The following ANO2 variants were observed in gnomAD, a reference collection of about 807,000 sequenced individuals.
ANO2 encodes the protein anoctamin-2.
In ANO2, 101 loss-of-function variants were observed where a neutral mutation model predicts 124.2. The observed-to-expected ratio is 0.81, with a 90% confidence interval of 0.69 to 0.96. The LOEUF is 0.96. ANO2 is among the 40% of genes least tolerant of loss of function. ANO2 has a pLI of 0.00. For missense variants in ANO2, 1,293 were observed against 1,274.5 expected (o/e 1.01, Z -0.22); for synonymous variants, 486 against 482.5 (o/e 1.01, Z -0.09).
At chr12:5,794,967 C>T (rs1446613122) in intron 10 of ANO2, among the ~76,000 whole-genome samples, 1 of 152,250 alleles carries the variant, frequency 6.6e-6, no homozygotes, top group Non-Finnish European at 1.5e-5. Context: ...CCAGCCTGGC[C>T]TGCTGAGAAG....
intron 23 of ANO2, among the ~76,000 whole-genome samples, chr12:5,571,417 A>G (rs928631865): frequency 6.6e-6 from 1 of 152,224 alleles, no homozygotes; most frequent in Non-Finnish European, 1.5e-5. Context: ...GACTTGTGCT[A>G]ACTTTTATTG....
At chr12:5,877,127 G>A (rs1393875352) in intron 3 of ANO2, among the ~76,000 whole-genome samples, 1 of 152,142 alleles carries the variant, frequency 6.6e-6, no homozygotes, top group Non-Finnish European at 1.5e-5. Context: ...TTATGGAAGA[G>A]GTTTTGCAGA....
rs117863217 is a variant in ANO2 at position 5,826,334 on chromosome 12, T to C, written c.892+1435A>G. Among the ~76,000 whole-genome samples, 1,308 of 152,140 alleles carry C rather than the reference T, an allele frequency of 8.6e-3. 7 individuals are homozygous for C. The highest frequency in any genetic ancestry group is 0.016 in the Non-Finnish European group (1,064 of 68,020). ...GTGATGGTTAATACTGAGTGTCGACTTGATTGGACTGAAAGATGCAAACTA... is the reference window on the plus strand; with the variant it reads ...GTGATGGTTAATACTGAGTGTCGACCTGATTGGACTGAAAGATGCAAACTA... On this transcript the variant is annotated intron_variant, in intron 7 of 24. Coordinates refer to ENST00000682330, the MANE Select transcript of ANO2 (RefSeq NM_001364791.2).
At position 5,725,446 on chromosome 12, in the gene ANO2, C is replaced by T. The variant is rs536080301; in HGVS notation, c.1545+7074G>A. On this transcript the variant is annotated intron_variant, in intron 14 of 24. Coordinates refer to ENST00000682330, the MANE Select transcript of ANO2 (RefSeq NM_001364791.2). ...CTTATTGCCTGGACTTTCGTGCCAGCGCTTTGCCGGTTGCTTTCAGATAGA... is the reference window on the plus strand; with the variant it reads ...CTTATTGCCTGGACTTTCGTGCCAGTGCTTTGCCGGTTGCTTTCAGATAGA... Among the ~76,000 whole-genome samples the T allele has an allele frequency of 7.9e-5, 12 of 152,308 alleles. No homozygotes were observed. In the South Asian group the frequency reaches 1.7e-3, roughly 21 times the overall value.
chr12:5,899,069 C>A (rs996509103), intron 3 of ANO2, among the ~76,000 whole-genome samples: 1 of 152,100 alleles, frequency 6.6e-6, no homozygotes, highest in Non-Finnish European at 1.5e-5. Flanking sequence ...GGAAGAGACT[C>A]CCCCTGCTGT....
intron 16 of ANO2, among the ~76,000 whole-genome samples, chr12:5,631,644 T>C (rs1281340667): frequency 6.6e-6 from 1 of 152,168 alleles, no homozygotes. Flanking sequence ...GGATGACCAC[T>C]GACAGCCGAG....
chr12:5,585,835 C>CT (rs1314639548), intron 20 of ANO2, among the ~76,000 whole-genome samples: 3 of 152,196 alleles, frequency 2.0e-5, no homozygotes, highest in African/African-American at 7.2e-5. Context: ...TTGCTTTATT[C>CT]TTTCTCCTCT....
chr12:5,661,645 A>T (rs1050905705), intron 14 of ANO2, among the ~76,000 whole-genome samples: 3 of 152,068 alleles, frequency 2.0e-5, no homozygotes, highest in Admixed American at 2.0e-4. Context: ...CTGGGATGGG[A>T]CATGAGGGCG....
rs577102794 is a variant in ANO2 at position 5,636,144 on chromosome 12, A to G, written c.1621-797T>C. On this transcript the variant is annotated intron_variant, in intron 15 of 24. Transcript: ENST00000682330. This position sits in a 1 kb window ranked among gnomAD's most constrained non-coding sequence, Gnocchi z 4.6. ...GTGCTCCAAAAGGAGGGTTATAGCC[A>G]CGTGACCTCTAAGGGTTCCCCTCAT... is the stretch of plus-strand genomic sequence containing the variant. Among the ~76,000 whole-genome samples, 176 of 152,190 alleles carry G rather than the reference A, an allele frequency of 1.2e-3. No individual in the cohort carries two copies. Among genetic ancestry groups the G allele is most frequent in the Non-Finnish European group, 1.8e-3 (122 of 68,032 alleles).
intron 14 of ANO2, among the ~76,000 whole-genome samples, chr12:5,665,857 C>T (rs1330698486): frequency 6.6e-6 from 1 of 152,084 alleles, no homozygotes; most frequent in East Asian, 1.9e-4. Flanking sequence ...CCACAGGGTA[C>T]AGAGCCACCC....
At chr12:5,687,132 G>A (rs138672912) in intron 14 of ANO2, among the ~76,000 whole-genome samples, 1 of 152,318 alleles carries the variant, frequency 6.6e-6, no homozygotes, top group African/African-American at 2.4e-5. Flanking sequence ...GAGAATAGTT[G>A]AGGAACAGTG....
intron 7 of ANO2, among the ~76,000 whole-genome samples, chr12:5,823,896 T>C (rs549283247): frequency 6.6e-6 from 1 of 152,386 alleles, no homozygotes; most frequent in East Asian, 1.9e-4. Context: ...TCTTGACTTC[T>C]GTGCACCTGC....
At chr12:5,833,182 T>C (rs1954209560) in intron 4 of ANO2, among the ~76,000 whole-genome samples, 1 of 152,256 alleles carries the variant, frequency 6.6e-6, no homozygotes, top group African/African-American at 2.4e-5. Flanking sequence ...TAAATGAGTT[T>C]GCTTTCAAAG....
chr12:5,897,431 T>C (rs988098309), intron 3 of ANO2, among the ~76,000 whole-genome samples: 6 of 152,096 alleles, frequency 3.9e-5, no homozygotes, highest in East Asian at 1.9e-4. Flanking sequence ...CAGAGGCAGA[T>C]TGGAGTAGGC....
At chr12:5,942,628 A>AGGGGAAGCTCCACACTGT (rs1040595834) in intron 1 of ANO2, among the ~76,000 whole-genome samples, 3 of 152,132 alleles carry the variant, frequency 2.0e-5, no homozygotes, top group Admixed American at 2.0e-4. Context: ...GCTTCCCCAC[A>AGGGGAAGCTCCACACTGT]GGGGAAGCTC....
intron 3 of ANO2, among the ~76,000 whole-genome samples, chr12:5,854,563 T>A (rs1010814327): frequency 1.3e-5 from 2 of 152,148 alleles, no homozygotes; most frequent in Non-Finnish European, 2.9e-5. Context: ...TCCATTCACA[T>A]GTTTTCATTG....
intron 3 of ANO2, among the ~76,000 whole-genome samples, chr12:5,896,537 T>C (rs1448435011): frequency 5.3e-5 from 8 of 152,184 alleles, no homozygotes; most frequent in South Asian, 4.1e-4. Context: ...ACCTTCTAGA[T>C]GGTCAGAATG....
At chr12:5,676,800 T>A (rs1948265159) in intron 14 of ANO2, among the ~76,000 whole-genome samples, 1 of 152,102 alleles carries the variant, frequency 6.6e-6, no homozygotes, top group African/African-American at 2.4e-5. Flanking sequence ...ATTCCTATAA[T>A]CCCAGCACTT....
chr12:5,875,947 A>C (rs1938069769), intron 3 of ANO2, among the ~76,000 whole-genome samples: 1 of 152,146 alleles, frequency 6.6e-6, no homozygotes, highest in Non-Finnish European at 1.5e-5. Context: ...ATGAAAAACG[A>C]ATGAAGGAAC....
Sources: allele counts gnomAD v4.1 joint callset (sites outside exome capture counted in the v4.1 genomes callset), GRCh38; gene constraint gnomAD v4.1.1; non-coding constraint Gnocchi (gnomAD v3.1); transcripts MANE v1.5; gene names NCBI Gene and HGNC (gene_info 2026-07-23, HGNC 2026-07-21).